The following STX18 variants were observed in gnomAD, a reference collection of about 807,000 sequenced individuals.
STX18 encodes the protein syntaxin-18.
In STX18, 40 loss-of-function variants were observed where a neutral mutation model predicts 50.1. The ratio of observed to expected loss-of-function variants is 0.80; its 90% CI spans 0.62 to 1.04. STX18 has a LOEUF of 1.04. STX18 is among the 50% of genes least tolerant of loss of function. The pLI is 0.00. For synonymous variants in STX18, 158 were observed against 151.8 expected, an observed-to-expected ratio of 1.04 and a Z score of -0.30; for missense variants, 410 against 415.8, an observed-to-expected ratio of 0.99 and a Z score of 0.12.
intron 9 of STX18, among the ~76,000 whole-genome samples, chr4:4,422,705 G>A (rs544161537): frequency 8.4e-4 from 128 of 152,342 alleles, no homozygotes; most frequent in Middle Eastern, 3.4e-3. Context: ...GCAGGGTAGT[G>A]TTATTAAAAA....
intron 2 of STX18, among the ~76,000 whole-genome samples, chr4:4,470,497 C>A (rs963344756): frequency 4.6e-5 from 7 of 152,176 alleles, no homozygotes; most frequent in Admixed American, 1.3e-4. Context: ...GGAAACCTGA[C>A]AAGGTCCTTG....
chr4:4,451,683 C>T (rs1317094676), intron 5 of STX18, among the ~76,000 whole-genome samples: 1 of 152,180 alleles, frequency 6.6e-6, no homozygotes, highest in Non-Finnish European at 1.5e-5. Context: ...AGCACGTTCA[C>T]ATAAGACAGC....
chr4:4,450,092 C>G (rs1404180528), intron 5 of STX18, among the ~76,000 whole-genome samples: 4 of 152,204 alleles, frequency 2.6e-5, no homozygotes, highest in African/African-American at 9.6e-5. Context: ...ATTACAGTGT[C>G]ACTGTTTCCA....
Position 4,425,462 on chromosome 4 carries a change from A to G in STX18, c.703-240T>C, listed in dbSNP as rs1577309970. ...TTGACTTCTCCATCTCAACCACTGC[A>G]CTCCAGGGGTACAAGCTGACTGCTA... On this transcript the variant is annotated intron_variant, in intron 7 of 10. Transcript: ENST00000306200. 7 of 589,584 alleles carry G rather than the reference A, an allele frequency of 1.2e-5. No individual in the cohort carries two copies. In the East Asian group the frequency reaches 1.7e-4, roughly 14 times the overall value. 36.5% of individuals were successfully genotyped at this position (589,584 alleles called of 1,614,324 possible).
chr4:4,460,771 C>T (rs2108820952), intron 2 of STX18, among the ~76,000 whole-genome samples: 1 of 152,244 alleles, frequency 6.6e-6, no homozygotes, highest in East Asian at 1.9e-4. Flanking sequence ...CTTGGGATGG[C>T]AACCATGAGA....
At chr4:4,472,329 A>G (rs1437254408) in intron 1 of STX18, among the ~76,000 whole-genome samples, 1 of 152,280 alleles carries the variant, frequency 6.6e-6, no homozygotes, top group African/African-American at 2.4e-5. Flanking sequence ...GGTACTGTGC[A>G]TGGAACTAGC....
chr4:4,494,881 G>C (rs961165816), intron 1 of STX18, among the ~76,000 whole-genome samples: 3 of 152,196 alleles, frequency 2.0e-5, no homozygotes, highest in African/African-American at 7.2e-5. Context: ...AAAACAGAGA[G>C]AGAGTGACTT....
intron 1 of STX18, among the ~76,000 whole-genome samples, chr4:4,519,580 A>G (rs1159318197): frequency 6.6e-6 from 1 of 152,154 alleles, no homozygotes; most frequent in Admixed American, 6.5e-5. Flanking sequence ...CTTCTCCCTA[A>G]TAGAACCAAA....
At chr4:4,427,538 C>A (rs781499346) in intron 7 of STX18, among the ~76,000 whole-genome samples, 1 of 152,232 alleles carries the variant, frequency 6.6e-6, no homozygotes, top group African/African-American at 2.4e-5. Flanking sequence ...CCCTGGGTGG[C>A]GGCATTTTCT....
intron 1 of STX18, among the ~76,000 whole-genome samples, chr4:4,488,229 T>C (rs1728781450): frequency 6.6e-6 from 1 of 152,028 alleles, no homozygotes; most frequent in East Asian, 1.9e-4. Flanking sequence ...TCCAAAGCCG[T>C]CTCTTACTAC....
Position 4,425,161 on chromosome 4 carries a change from T to C in STX18, c.761+3A>G. On this transcript the variant is annotated splice_donor_region_variant and intron_variant, in intron 8 of 10. Transcript: ENST00000306200. ...TCAGCTCACAGAGGAGCTACAAACA[T>C]ACCTCACTTCATCAAACAAGCTGTT... The C allele has an allele frequency of 1.2e-6, 2 of 1,613,762 alleles. No individual in the cohort carries two copies.
chr4:4,470,651 T>C (rs1727863647), intron 2 of STX18, among the ~76,000 whole-genome samples: 1 of 152,042 alleles, frequency 6.6e-6, no homozygotes, highest in Non-Finnish European at 1.5e-5. Flanking sequence ...TAAAGGGTAG[T>C]GAGAGAAGGC....
intron 1 of STX18, among the ~76,000 whole-genome samples, chr4:4,514,887 T>G (rs537780815): frequency 6.6e-6 from 1 of 152,284 alleles, no homozygotes; most frequent in Admixed American, 6.5e-5. Context: ...ATCTTTTGCC[T>G]TCTCTATGAA....
intron 5 of STX18, among the ~76,000 whole-genome samples, chr4:4,438,742 G>A (rs1019347586): frequency 1.3e-5 from 2 of 151,974 alleles, no homozygotes; most frequent in African/African-American, 4.8e-5. Context: ...TGCAGCCACG[G>A]CACAGTGACC....
At chr4:4,522,877 A>C (rs772566620) in intron 1 of STX18, among the ~76,000 whole-genome samples, 2 of 152,230 alleles carry the variant, frequency 1.3e-5, no homozygotes, top group Non-Finnish European at 2.9e-5. Context: ...AGTACAAATA[A>C]ACTAATTTTG....
intron 1 of STX18, among the ~76,000 whole-genome samples, chr4:4,539,492 T>C (rs1032027369): frequency 3.3e-5 from 5 of 152,146 alleles, no homozygotes; most frequent in African/African-American, 7.2e-5. Flanking sequence ...CAGGAGATAA[T>C]ACACAAAGCA....
chr4:4,521,670 TA>T (rs200370379), intron 1 of STX18, among the ~76,000 whole-genome samples: 242 of 148,172 alleles, frequency 1.6e-3, no homozygotes, highest in East Asian at 0.012. Context: ...TAGTTGTCAT[TA>T]AAAAAAAAAT....
chr4:4,421,160 C>A (rs1724938348), intron 9 of STX18, among the ~76,000 whole-genome samples: 1 of 152,138 alleles, frequency 6.6e-6, no homozygotes, highest in South Asian at 2.1e-4. Flanking sequence ...AGAACAGTAG[C>A]CGTCACCAAG....
chr4:4,431,812 C>T (rs1209906733), intron 7 of STX18, among the ~76,000 whole-genome samples: 1 of 152,138 alleles, frequency 6.6e-6, no homozygotes, highest in African/African-American at 2.4e-5. Context: ...TTTCCTACAC[C>T]ACAGCTCTCA....
Sources: allele counts gnomAD v4.1 joint callset (sites outside exome capture counted in the v4.1 genomes callset), GRCh38; gene constraint gnomAD v4.1.1; transcripts MANE v1.5; gene names NCBI Gene and HGNC (gene_info 2026-07-23, HGNC 2026-07-21).